Variants in NPTXR observed in about 807,000 individuals in gnomAD.
NPTXR encodes neuronal pentraxin receptor.
NPTXR carries 12 observed loss-of-function variants against 32.2 expected under a neutral mutation model. The observed-to-expected ratio is 0.37, with a 90% confidence interval of 0.24 to 0.60. The LOEUF is 0.60. Among genes scored for constraint, NPTXR ranks in the 20% least tolerant of loss-of-function variants. The probability of loss-of-function intolerance (pLI) is 0.66; values close to 1 mark genes in which losing one functional copy is unlikely to be tolerated. For missense variants in NPTXR, 612 were observed against 682.9 expected (o/e 0.90, Z 1.16); for synonymous variants, 323 against 315.8 (o/e 1.02, Z -0.24).
At position 38,822,552 on chromosome 22, in the gene NPTXR, C is replaced by A. The variant is rs1028509859; in HGVS notation, c.*57G>T. On this transcript the variant is annotated 3_prime_UTR_variant, in exon 5 of 5. Transcript: ENST00000333039. The stretch of plus-strand genomic sequence containing the variant: ...TGGGCAGGCTGAGGAGGGAATATGA[C>A]CCCCCTCAAGTCCCCAAAGTGGCAG... 5.4e-6 allele frequency: 8 copies of A among 1,483,648 alleles called. No individual in the cohort carries two copies. The highest frequency in any genetic ancestry group is 1.4e-5 in the African/African-American group (1 of 71,038). The allele number at this position is 1,483,648 out of a possible 1,614,324, so 91.9% of individuals were successfully genotyped here.
chr22:38,833,006 C>A (rs2093118701), intron 1 of NPTXR, among the ~76,000 whole-genome samples: 2 of 152,148 alleles, frequency 1.3e-5, no homozygotes, highest in East Asian at 1.9e-4. Context: ...ATCACCTTAG[C>A]CCCACCCGGG....
In NPTXR at chr22:38,822,813, A is replaced by C; in HGVS notation, c.1299T>G (p.Phe433Leu). Residue 433 changes from phenylalanine to leucine, a missense_variant, in exon 5 of 5, where the codon TTT becomes TTG. Transcript: ENST00000333039. ...CACCGACAAAGGCCTGGGTGGCATCAAACCGGCCACCCAGGGTATCCTGGG... is the reference window on the plus strand; with the variant it reads ...CACCGACAAAGGCCTGGGTGGCATCCAACCGGCCACCCAGGGTATCCTGGG... 6.2e-7 allele frequency: 1 copy of C among 1,613,974 alleles called. No individual in the cohort carries two copies. The highest frequency in any genetic ancestry group is 8.5e-7 in the Non-Finnish European group (1 of 1,179,910).
rs2093134189 is a variant in NPTXR, at chr22:38,843,218, C to T, written c.624+17G>A. The T allele has an allele frequency of 9.2e-6, 12 of 1,306,862 alleles. No individual in the cohort carries two copies. The highest frequency in any genetic ancestry group is 1.5e-5 in the African/African-American group (1 of 64,610). 81.0% of individuals were successfully genotyped at this position (1,306,862 alleles called of 1,614,324 possible). A position where few individuals can be genotyped will look rare whatever the true frequency, so the allele number is the denominator to read the frequency against. ...CACACCACCCGGGCGGCTCCCCCGA[C>T]GGCGCGCGGCGCTCACCTCCAGGCG... On this transcript the variant is annotated intron_variant, in intron 1 of 4. Transcript: ENST00000333039. This position sits in a 1 kb window ranked among gnomAD's most constrained non-coding sequence, Gnocchi z 5.3.
chr22:38,832,082 C>T (rs1371023975), intron 1 of NPTXR, among the ~76,000 whole-genome samples: 1 of 152,172 alleles, frequency 6.6e-6, no homozygotes, highest in Non-Finnish European at 1.5e-5. Context: ...TAAACAGACG[C>T]TGTTTGGAGG....
rs999463227 is a variant in NPTXR, at chr22:38,819,090, G to T, written c.*3519C>A. ...CAGGTGATGCAAAGTGGTGGCAAGG[G>T]GATTGGTCCCCTTGGGATGTTGGTG... On this transcript the variant is annotated 3_prime_UTR_variant, in exon 5 of 5. Coordinates refer to ENST00000333039, the MANE Select transcript of NPTXR (RefSeq NM_014293.4). 1 of 152,300 alleles carries T rather than the reference G, an allele frequency of 6.6e-6. No homozygotes were observed. The highest frequency in any genetic ancestry group is 1.5e-5 in the Non-Finnish European group (1 of 68,132). The allele number at this position is 152,300 out of a possible 1,614,324, so 9.4% of individuals were successfully genotyped here.
chr22:38,830,851 C>A (rs892996673), intron 1 of NPTXR, among the ~76,000 whole-genome samples: 1 of 152,006 alleles, frequency 6.6e-6, no homozygotes, highest in Non-Finnish European at 1.5e-5. Context: ...ATGAAAGCAG[C>A]GGGAGAGGGG....
chr22:38,824,735 T>TGG (rs2093103703), intron 3 of NPTXR, among the ~76,000 whole-genome samples: 1 of 152,098 alleles, frequency 6.6e-6, no homozygotes, highest in African/African-American at 2.4e-5. Flanking sequence ...GTGCTGAACT[T>TGG]GGGCCAGGCC....
chr22:38,836,633 G>A (rs2093124366), intron 1 of NPTXR, among the ~76,000 whole-genome samples: 1 of 152,162 alleles, frequency 6.6e-6, no homozygotes, highest in Non-Finnish European at 1.5e-5. Flanking sequence ...GGAGCCTTCT[G>A]GGGGTGCTGG....
rs2093126171 is a variant in NPTXR at position 38,837,820 on chromosome 22, A to G, written c.624+5415T>C. 4.6e-5 allele frequency among the ~76,000 whole-genome samples: 6 copies of G among 131,690 alleles called. No individual in the cohort carries two copies. In the South Asian group the frequency reaches 1.5e-3, roughly 33 times the overall value. The allele number at this position is 131,690 out of a possible 152,430, so 86.4% of individuals were successfully genotyped here. A position where few individuals can be genotyped will look rare whatever the true frequency, so the allele number is the denominator to read the frequency against. On this transcript the variant is annotated intron_variant, in intron 1 of 4. Transcript: ENST00000333039. ...CAAGCCTGTGCCTCCCAGCCTTTCT[A>G]TTTCAGAGACTTATTTATTTTTATT...
chr22:38,835,874 C>T (rs75272571), intron 1 of NPTXR, among the ~76,000 whole-genome samples: 40 of 152,300 alleles, frequency 2.6e-4, no homozygotes, highest in African/African-American at 9.1e-4. Context: ...TTGCTTCTAT[C>T]CCTGTCCCCA....
Position 38,823,208 on chromosome 22 carries a change from C to T in NPTXR, c.1153G>A (p.Ala385Thr), listed in dbSNP as rs139705044. Residue 385 changes from alanine (A) to threonine (T), a missense_variant, in exon 4 of 5, where the codon GCC (alanine) becomes ACC (threonine). Transcript: ENST00000333039. ...CATAGGCCATCCCTTGTGGTCCAGGCGATGCAGATGTGGTGCCAGCCATTG... is the reference window on the plus strand; with the variant it reads ...CATAGGCCATCCCTTGTGGTCCAGGTGATGCAGATGTGGTGCCAGCCATTG... 40 of 1,613,812 alleles carry T rather than the reference C, an allele frequency of 2.5e-5. No homozygotes were observed. Among genetic ancestry groups the T allele is most frequent in the South Asian group, 2.2e-4 (20 of 91,088 alleles).
rs1023343530 is a variant in NPTXR at position 38,818,799 on chromosome 22, G to C, written c.*3810C>G. The C allele has an allele frequency of 1.3e-5, 2 of 152,284 alleles. No homozygotes were observed. The highest frequency in any genetic ancestry group is 6.5e-5 in the Admixed American group (1 of 15,278). The allele number at this position is 152,284 out of a possible 1,614,324, so 9.4% of individuals were successfully genotyped here. A position where few individuals can be genotyped will look rare whatever the true frequency, so the allele number is the denominator to read the frequency against. On this transcript the variant is annotated 3_prime_UTR_variant, in exon 5 of 5. Coordinates refer to ENST00000333039, the MANE Select transcript of NPTXR (RefSeq NM_014293.4). This position sits in a 1 kb window ranked among gnomAD's most constrained non-coding sequence, Gnocchi z 4.5. ...CAGCTGGAATAAAGGGGTGAAGAGA[G>C]TAGTCCCTTCTCTGGGAGGGAGCCC...
At chr22:38,829,779 G>T (rs2093113388) in intron 1 of NPTXR, among the ~76,000 whole-genome samples, 1 of 152,220 alleles carries the variant, frequency 6.6e-6, no homozygotes, top group Admixed American at 6.5e-5. Context: ...CCCAGATGCT[G>T]AAGTTGTGGC....
intron 2 of NPTXR, among the ~76,000 whole-genome samples, chr22:38,827,628 C>T (rs1490873292): frequency 6.6e-6 from 1 of 152,188 alleles, no homozygotes; most frequent in East Asian, 1.9e-4. Flanking sequence ...TGTCTGTAAG[C>T]CTCTTAAGGG....
chr22:38,838,859 G>C (rs2093128252), intron 1 of NPTXR, among the ~76,000 whole-genome samples: 1 of 152,110 alleles, frequency 6.6e-6, no homozygotes, highest in Non-Finnish European at 1.5e-5. Flanking sequence ...GGGATTACAG[G>C]TGTGAGCCAC....
chr22:38,824,355 C>A (rs1569409), intron 3 of NPTXR, among the ~76,000 whole-genome samples: 4 of 151,776 alleles, frequency 2.6e-5, no homozygotes, highest in African/African-American at 4.8e-5. Flanking sequence ...TGTTGTGGAT[C>A]CTGGGGATGT....
Position 38,843,167 on chromosome 22 carries a change from C to G in NPTXR, c.624+68G>C, listed in dbSNP as rs3747176. ...GGGAGACCGGAGGCTCGGGGACCGC[C>G]GGACGACCGCGGCCGGGCGGCCCCT... On this transcript the variant is annotated intron_variant, in intron 1 of 4. Coordinates refer to ENST00000333039, the MANE Select transcript of NPTXR (RefSeq NM_014293.4). This position sits in a 1 kb window ranked among gnomAD's most constrained non-coding sequence, Gnocchi z 5.3. 0.61 allele frequency: 764,201 copies of G among 1,245,740 alleles called. 236,808 individuals are homozygous for G. Among genetic ancestry groups the G allele is most frequent in the East Asian group, 0.82 (24,569 of 30,140 alleles). 77.2% of individuals were successfully genotyped at this position (1,245,740 alleles called of 1,614,324 possible).
At position 38,843,274 on chromosome 22, in the gene NPTXR, G is replaced by A. The variant is rs1282472067; in HGVS notation, c.585C>T (p.Asp195=). Residue 195 remains aspartate, a synonymous_variant, in exon 1 of 5, where the codon GAC becomes GAT. Coordinates refer to ENST00000333039, the MANE Select transcript of NPTXR (RefSeq NM_014293.4). The surrounding 1 kb of genome is among the most constrained non-coding windows in gnomAD (Gnocchi z 5.3). Reference sequence around the variant, plus strand: ...TGCGGTCCCGCAGGGCGCGCACGGCGTCCTCCAGCTCCAGAATGAGCGCAG... The same window carrying A: ...TGCGGTCCCGCAGGGCGCGCACGGCATCCTCCAGCTCCAGAATGAGCGCAG... 7.0e-7 allele frequency: 1 copy of A among 1,432,510 alleles called. No individual in the cohort carries two copies. The highest frequency in any genetic ancestry group is 3.1e-5 in the East Asian group (1 of 32,474). 88.7% of individuals were successfully genotyped at this position (1,432,510 alleles called of 1,614,324 possible).
intron 2 of NPTXR, among the ~76,000 whole-genome samples, chr22:38,827,341 C>G (rs2093108967): frequency 6.8e-6 from 1 of 147,812 alleles, no homozygotes; most frequent in South Asian, 2.1e-4. Context: ...TCAAGCAATT[C>G]TCCTGCCCCA....
Sources: gnomAD v4.1 joint callset for allele counts (sites outside exome capture counted in the v4.1 genomes callset) on GRCh38, gnomAD v4.1.1 for gene constraint, Gnocchi (gnomAD v3.1) non-coding constraint, MANE v1.5 for transcripts, NCBI Gene and HGNC (gene_info 2026-07-23, HGNC 2026-07-21) for gene names.